CSNK1G1: variants seen among roughly 807,000 people sequenced by gnomAD.
The protein encoded by CSNK1G1 is casein kinase I isoform gamma-1.
A neutral mutation model predicts 59.6 loss-of-function variants in CSNK1G1; 22 were observed. The ratio of observed to expected loss-of-function variants is 0.37; its 90% confidence interval spans 0.26 to 0.53. The LOEUF (loss-of-function observed/expected upper bound fraction) is 0.53, where lower values mean the gene tolerates loss of function less well. Ranked by LOEUF, CSNK1G1 falls within the 20% of genes least tolerant of loss-of-function variation. The probability of loss-of-function intolerance (pLI) is 0.89; values close to 1 mark genes in which losing one functional copy is unlikely to be tolerated. For synonymous variants in CSNK1G1, 179 were observed against 177.1 expected, an observed-to-expected ratio of 1.01 and a Z score of -0.08; for missense variants, 384 against 519.5, an observed-to-expected ratio of 0.74 and a Z score of 2.54.
At chr15:64,237,432 T>C (rs566981686) in intron 4 of CSNK1G1, among the ~76,000 whole-genome samples, 89 of 152,328 alleles carry the variant, frequency 5.8e-4, no homozygotes, top group African/African-American at 2.1e-3. Flanking sequence ...TCCCAGGTTA[T>C]GTAAATTTTC....
intron 10 of CSNK1G1, chr15:64,181,572 T>C (rs1170234185): frequency 1.1e-5 from 9 of 825,842 alleles, no homozygotes; most frequent in African/African-American, 1.8e-5. Context: ...CTGTCTAGTA[T>C]AATACCTAGC....
At chr15:64,310,811 C>T (rs1480187282) in intron 1 of CSNK1G1, among the ~76,000 whole-genome samples, 1 of 151,810 alleles carries the variant, frequency 6.6e-6, no homozygotes, top group African/African-American at 2.4e-5. Flanking sequence ...TCGAGACCAT[C>T]CTGGCCAATA....
chr15:64,180,226 G>T, intron 11 of CSNK1G1, 122 bp downstream of exon 11: 1 of 715,500 alleles, frequency 1.4e-6, no homozygotes, highest in Non-Finnish European at 2.4e-6. Flanking sequence ...AAACAGTTAA[G>T]GAAGAAAGCT....
At chr15:64,275,549 C>A (rs1893560874) in intron 2 of CSNK1G1, among the ~76,000 whole-genome samples, 1 of 152,018 alleles carries the variant, frequency 6.6e-6, no homozygotes, top group South Asian at 2.1e-4. Context: ...GCTTACCTAT[C>A]AACAACAATA....
At chr15:64,314,188 T>G (rs1445288445) in intron 1 of CSNK1G1, among the ~76,000 whole-genome samples, 1 of 152,150 alleles carries the variant, frequency 6.6e-6, no homozygotes, top group Non-Finnish European at 1.5e-5. Context: ...GAGATCACAG[T>G]GCAATGCAGC....
chr15:64,175,369 A>T (rs1221905599), intron 11 of CSNK1G1, among the ~76,000 whole-genome samples: 1 of 152,140 alleles, frequency 6.6e-6, no homozygotes, highest in Non-Finnish European at 1.5e-5. Context: ...CTCCATATAG[A>T]GCATGACTTT....
chr15:64,197,726 T>A (rs533973709), intron 10 of CSNK1G1, among the ~76,000 whole-genome samples: 2 of 152,280 alleles, frequency 1.3e-5, no homozygotes, highest in Non-Finnish European at 2.9e-5. Context: ...CCAAAAGATT[T>A]CAAAAGCAGA....
At chr15:64,267,850 C>G (rs552055797) in intron 2 of CSNK1G1, among the ~76,000 whole-genome samples, 2 of 152,306 alleles carry the variant, frequency 1.3e-5, no homozygotes, top group East Asian at 3.9e-4. Context: ...CATGGTGGCT[C>G]ATGCCTGTAG....
At chr15:64,181,448 A>G in intron 10 of CSNK1G1, 1 of 1,508,382 alleles carries the variant, frequency 6.6e-7, no homozygotes, top group South Asian at 1.3e-5. Context: ...ATGGGAGAGA[A>G]CACAAAATAG....
chr15:64,339,773 G>C (rs1462601675), intron 1 of CSNK1G1, among the ~76,000 whole-genome samples: 5 of 152,210 alleles, frequency 3.3e-5, no homozygotes, highest in Non-Finnish European at 7.3e-5. Flanking sequence ...ATTGCACAAG[G>C]CCTTAAATAC....
rs1175775132 is a variant in CSNK1G1, at chr15:64,178,482, C to CTTTT, written c.1214+1862_1214+1865dup. 3.1e-3 allele frequency among the ~76,000 whole-genome samples: 384 copies of CTTTT among 123,762 alleles called. 4 individuals carry two copies. Among genetic ancestry groups the CTTTT allele is most frequent in the Non-Finnish European group, 5.5e-3 (324 of 58,760 alleles). The allele number at this position is 123,762 out of a possible 152,430, so 81.2% of individuals were successfully genotyped here. On this transcript the variant is annotated intron_variant, in intron 11 of 11. Transcript: ENST00000303052. ...CCCTGGTTTTCCAAGCAAAAATTTT[C>CTTTT]TTTTTTTTTTTTTTTTTTGAGATGG...
Position 64,204,479 on chromosome 15 carries a change from T to A in CSNK1G1, c.961A>T (p.Thr321Ser). 1 of 1,610,882 alleles carries A rather than the reference T, an allele frequency of 6.2e-7. No homozygotes were observed. Among genetic ancestry groups the A allele is most frequent in the Non-Finnish European group, 8.5e-7 (1 of 1,179,234 alleles). The change falls in exon 9 of 12, where the codon ACC (threonine) becomes TCC (serine). Residue 321 changes from threonine to serine, a missense_variant. Coordinates refer to ENST00000303052, the MANE Select transcript of CSNK1G1 (RefSeq NM_022048.5). The part of the protein sequence containing the change: ...FTDLFEKKGY[T>S]FDYAYDWVGR... The stretch of plus-strand genomic sequence containing the variant: ...ACCCAATCATAGGCATAGTCAAAGG[T>A]GTAGCCTTTCTTTTCAAAGAGGTCT...
At chr15:64,306,350 AAAG>A (rs1211420201) in intron 1 of CSNK1G1, among the ~76,000 whole-genome samples, 1 of 152,246 alleles carries the variant, frequency 6.6e-6, no homozygotes, top group Non-Finnish European at 1.5e-5. Context: ...ACGTCTCTTC[AAAG>A]AAGATATACG....
intron 1 of CSNK1G1, among the ~76,000 whole-genome samples, chr15:64,333,818 C>A (rs944333837): frequency 6.6e-6 from 1 of 152,062 alleles, no homozygotes; most frequent in Non-Finnish European, 1.5e-5. Flanking sequence ...AGTCATTATA[C>A]AATGATAAAA....
At chr15:64,251,027 G>A (rs1156892966) in intron 4 of CSNK1G1, among the ~76,000 whole-genome samples, 2 of 152,128 alleles carry the variant, frequency 1.3e-5, no homozygotes, top group Non-Finnish European at 2.9e-5. Flanking sequence ...AATTGCCGAA[G>A]GTCATAGGTT....
At chr15:64,326,179 T>A (rs1411151214) in intron 1 of CSNK1G1, among the ~76,000 whole-genome samples, 2 of 152,128 alleles carry the variant, frequency 1.3e-5, no homozygotes, top group Non-Finnish European at 2.9e-5. Flanking sequence ...GTGTGTGCCA[T>A]GATGCCCAGC....
rs983117296 is a variant in CSNK1G1, at chr15:64,169,092, A to G, written c.*2839T>C. 1.3e-5 allele frequency: 2 copies of G among 152,698 alleles called. No homozygotes were observed. The highest frequency in any genetic ancestry group is 4.8e-5 in the African/African-American group (2 of 41,460). 9.5% of individuals were successfully genotyped at this position (152,698 alleles called of 1,614,324 possible). On this transcript the variant is annotated 3_prime_UTR_variant, in exon 12 of 12. Coordinates refer to ENST00000303052, the MANE Select transcript of CSNK1G1 (RefSeq NM_022048.5). ...AAAGTCGCAAATCCAGCTGCAAGGC[A>G]GCTTGCCCTGCAGCCAAGCTGGTCA...
intron 2 of CSNK1G1, among the ~76,000 whole-genome samples, chr15:64,269,337 T>C (rs1471754990): frequency 6.6e-6 from 1 of 152,180 alleles, no homozygotes; most frequent in African/African-American, 2.4e-5. Context: ...AGCCTATTTA[T>C]TACTGATTGG....
At chr15:64,324,531 C>T (rs564462463) in intron 1 of CSNK1G1, among the ~76,000 whole-genome samples, 34 of 152,344 alleles carry the variant, frequency 2.2e-4, no homozygotes, top group African/African-American at 7.9e-4. Context: ...GGACTTACAC[C>T]AGTGGTTTGC....
Sources: allele counts gnomAD v4.1 joint callset (sites outside exome capture counted in the v4.1 genomes callset), GRCh38; gene constraint gnomAD v4.1.1; transcripts MANE v1.5; gene names NCBI Gene and HGNC (gene_info 2026-07-23, HGNC 2026-07-21).